Variants in SDK1 observed in about 807,000 individuals in gnomAD.
SDK1 encodes sidekick cell adhesion molecule 1, also known as protein sidekick-1.
A neutral mutation model predicts 245.5 loss-of-function variants in SDK1; 157 were observed. The observed-to-expected ratio is 0.64, with a 90% confidence interval of 0.56 to 0.73. The LOEUF is 0.73. Ranked by LOEUF, SDK1 falls within the 30% of genes least tolerant of loss-of-function variation. SDK1 has a pLI of 0.00. For synonymous variants in SDK1, 1,647 were observed against 1,278.5 expected (o/e 1.29, Z -6.15); for missense variants, 3,583 against 3,002.3 (o/e 1.19, Z -4.52).
chr7:3,837,121 G>A (rs755176249), intron 5 of SDK1, among the ~76,000 whole-genome samples: 2 of 152,162 alleles, frequency 1.3e-5, no homozygotes, highest in Non-Finnish European at 2.9e-5. Context: ...TCACAATACA[G>A]GTTAGGGCTT....
chr7:3,580,884 C>T (rs1180440807), intron 1 of SDK1, among the ~76,000 whole-genome samples: 1 of 142,186 alleles, frequency 7.0e-6, no homozygotes, highest in East Asian at 2.2e-4. Context: ...AGGAGAATCG[C>T]TTGAACTGAG....
At chr7:3,871,725 G>A (rs1488343271) in intron 5 of SDK1, among the ~76,000 whole-genome samples, 1 of 152,154 alleles carries the variant, frequency 6.6e-6, no homozygotes. Context: ...TATAGTGAAT[G>A]ACCAACCCTT....
At chr7:4,211,118 C>A (rs1784488897) in intron 38 of SDK1, among the ~76,000 whole-genome samples, 1 of 152,142 alleles carries the variant, frequency 6.6e-6, no homozygotes, top group Admixed American at 6.5e-5. Flanking sequence ...CCTGACCTCC[C>A]CAAGACCAGG....
intron 1 of SDK1, among the ~76,000 whole-genome samples, chr7:3,547,985 T>C (rs796236640): frequency 9.2e-5 from 14 of 152,330 alleles, no homozygotes; most frequent in African/African-American, 3.4e-4. Flanking sequence ...CCTTCTGTTC[T>C]TTTGAAGACA....
At chr7:3,448,774 A>AT (rs1780423471) in intron 1 of SDK1, among the ~76,000 whole-genome samples, 1 of 152,084 alleles carries the variant, frequency 6.6e-6, no homozygotes, top group South Asian at 2.1e-4. Flanking sequence ...AAATGGTTAC[A>AT]TTTTTCCCCA....
intron 32 of SDK1, among the ~76,000 whole-genome samples, chr7:4,169,889 A>T (rs900163589): frequency 6.6e-6 from 1 of 151,940 alleles, no homozygotes; most frequent in African/African-American, 2.4e-5. Context: ...CACAGGACAG[A>T]TGCGCTGTAT....
chr7:3,853,217 A>T (rs1780461438), intron 5 of SDK1, among the ~76,000 whole-genome samples: 1 of 152,082 alleles, frequency 6.6e-6, no homozygotes, highest in Admixed American at 6.5e-5. Flanking sequence ...TTTCCATTGC[A>T]AAGATGGAAA....
intron 1 of SDK1, among the ~76,000 whole-genome samples, chr7:3,434,402 C>T (rs548811407): frequency 1.1e-3 from 162 of 152,208 alleles, no homozygotes; most frequent in African/African-American, 3.8e-3. Flanking sequence ...GGCTATGTGC[C>T]CTACGCCACT....
At chr7:3,655,481 A>ATATATATATATATG (rs1783146560) in intron 4 of SDK1, among the ~76,000 whole-genome samples, 1 of 76,280 alleles carries the variant, frequency 1.3e-5, no homozygotes, top group African/African-American at 4.6e-5. Context: ...ATATATATAT[A>ATATATATATATATG]TATATATATA....
intron 1 of SDK1, among the ~76,000 whole-genome samples, chr7:3,397,127 C>A (rs1451438983): frequency 6.6e-6 from 1 of 151,832 alleles, no homozygotes; most frequent in Non-Finnish European, 1.5e-5. Context: ...TTCTCACTTG[C>A]ATGCTTTTTT....
At chr7:3,874,390 C>G (rs1466503770) in intron 5 of SDK1, among the ~76,000 whole-genome samples, 3 of 152,138 alleles carry the variant, frequency 2.0e-5, no homozygotes, top group Non-Finnish European at 4.4e-5. Context: ...ATTATGTTTG[C>G]TTAGTGCTTT....
chr7:4,090,420 T>C (rs1173390355), intron 22 of SDK1, among the ~76,000 whole-genome samples: 1 of 152,222 alleles, frequency 6.6e-6, no homozygotes, highest in African/African-American at 2.4e-5. Flanking sequence ...TCTCCTCATT[T>C]ATTTTTCCAT....
At chr7:3,704,234 T>C (rs75114243) in intron 4 of SDK1, among the ~76,000 whole-genome samples, 1 of 152,214 alleles carries the variant, frequency 6.6e-6, no homozygotes, top group Non-Finnish European at 1.5e-5. Flanking sequence ...TTCTTTTTTT[T>C]ATGGATGAGT....
At chr7:4,109,927 C>A (rs1343131709) in intron 22 of SDK1, among the ~76,000 whole-genome samples, 1 of 152,112 alleles carries the variant, frequency 6.6e-6, no homozygotes, top group East Asian at 1.9e-4. Flanking sequence ...CGAGACAGAC[C>A]ATGGGGCAGG....
rs188872221 is a variant in SDK1 at position 4,078,282 on chromosome 7, G to A, written c.3202+1093G>A. Among the ~76,000 whole-genome samples the A allele has an allele frequency of 4.2e-3, 638 of 152,296 alleles. 8 individuals are homozygous for A. The highest frequency in any genetic ancestry group is 0.015 in the African/African-American group (615 of 41,552). ...GGAGGCAAATCAAATGGCGAGGACT[G>A]CTTTGGGGACACCATGTTCTGTTTA... is the stretch of plus-strand genomic sequence containing the variant. On this transcript the variant is annotated intron_variant, in intron 21 of 44. Transcript: ENST00000404826.
intron 5 of SDK1, among the ~76,000 whole-genome samples, chr7:3,924,414 G>A (rs546242179): frequency 6.6e-6 from 1 of 152,280 alleles, no homozygotes; most frequent in South Asian, 2.1e-4. Context: ...TGGATGGGGT[G>A]GCCATTCCCA....
intron 1 of SDK1, among the ~76,000 whole-genome samples, chr7:3,471,769 C>G (rs1781191029): frequency 6.6e-6 from 1 of 152,108 alleles, no homozygotes; most frequent in African/African-American, 2.4e-5. Flanking sequence ...TATGGTTTTA[C>G]TTTTTATAGT....
intron 1 of SDK1, among the ~76,000 whole-genome samples, chr7:3,335,456 G>A (rs563042859): frequency 2.0e-5 from 3 of 150,036 alleles, no homozygotes; most frequent in Non-Finnish European, 4.4e-5. Context: ...TAGACTATAA[G>A]CTTCATAGGT....
chr7:3,788,857 G>A (rs1780992674), intron 4 of SDK1, among the ~76,000 whole-genome samples: 1 of 152,168 alleles, frequency 6.6e-6, no homozygotes, highest in African/African-American at 2.4e-5. Flanking sequence ...ACAGAATTCA[G>A]GGCTGAGCCT....
Sources: gnomAD v4.1 joint callset for allele counts (sites outside exome capture counted in the v4.1 genomes callset) on GRCh38, gnomAD v4.1.1 for gene constraint, MANE v1.5 for transcripts, NCBI Gene and HGNC (gene_info 2026-07-23, HGNC 2026-07-21) for gene names.